Variants in CAMSAP2 observed in about 807,000 individuals in gnomAD.
CAMSAP2 encodes calmodulin regulated spectrin associated protein family member 2, also known as calmodulin-regulated spectrin-associated protein 2.
Under a neutral mutation model 146.1 loss-of-function variants are expected in CAMSAP2, and 26 were observed. That is an observed-to-expected ratio of 0.18 (90% confidence interval 0.13 to 0.25). The LOEUF is 0.25. Ranked by LOEUF, CAMSAP2 falls within the 10% of genes least tolerant of loss-of-function variation. The pLI is 1.00. For synonymous variants in CAMSAP2, 499 were observed against 596.6 expected (o/e 0.84, Z 2.38); for missense variants, 1,381 against 1,759.3 (o/e 0.78, Z 3.85).
intron 2 of CAMSAP2, among the ~76,000 whole-genome samples, chr1:200,806,771 ATCTATCT>A (rs1464368050): frequency 4.5e-5 from 3 of 66,100 alleles, no homozygotes; most frequent in Admixed American, 1.5e-4. Context: ...GTGTGTATCT[ATCTATCT>A]ATCTATCTAT....
intron 6 of CAMSAP2, among the ~76,000 whole-genome samples, chr1:200,837,540 T>C (rs1667215515): frequency 6.6e-6 from 1 of 152,208 alleles, no homozygotes; most frequent in Non-Finnish European, 1.5e-5. Flanking sequence ...TGCTTAAGAT[T>C]GCCTTGGGTA....
chr1:200,838,391 T>C lies in CAMSAP2; in HGVS notation c.928-3603T>C, dbSNP rs537170821. On this transcript the variant is annotated intron_variant, in intron 6 of 16. Transcript: ENST00000358823. ...AGAAAGTATACCATAAAGATAAGTA[T>C]AAAGAAGAAATATAAATCACAATAA... Among the ~76,000 whole-genome samples, 30 of 152,300 alleles carry C rather than the reference T, an allele frequency of 2.0e-4. No individual in the cohort carries two copies. The East Asian group carries it at 5.8e-3, about 29-fold the overall frequency.
At chr1:200,835,927 T>A (rs2102224805) in intron 6 of CAMSAP2, among the ~76,000 whole-genome samples, 1 of 152,280 alleles carries the variant, frequency 6.6e-6, no homozygotes, top group South Asian at 2.1e-4. Flanking sequence ...TAATATACAG[T>A]CCTGATGTTT....
At chr1:200,782,782 CTTTTTTT>C (rs57995961) in intron 2 of CAMSAP2, among the ~76,000 whole-genome samples, 47 of 72,284 alleles carry the variant, frequency 6.5e-4, no homozygotes, top group East Asian at 1.4e-3. Context: ...TCATTTCTCT[CTTTTTTT>C]TTTTTTTTTT....
In CAMSAP2 at chr1:200,807,493, C is replaced by A. The variant is rs988870423; in HGVS notation, c.517C>A (p.Leu173Met). The A allele has an allele frequency of 1.2e-6, 2 of 1,611,568 alleles. No individual in the cohort carries two copies. The highest frequency in any genetic ancestry group is 2.7e-5 in the African/African-American group (2 of 74,728). Residue 173 changes from leucine (L) to methionine (M), a missense_variant, in exon 3 of 17, where the codon CTG becomes ATG. By Grantham distance (15) the Leu-to-Met change is conservative (BLOSUM62 2). Transcript: ENST00000358823. The part of the protein sequence containing the change: ...QYSAFFQATD[L>M]PYDIEDAVMY... ...TTCAGCTTTTTTTCAAGCCACAGATCTGCCCTATGATATTGAGGACGCTGT... is the reference window on the plus strand; with the variant it reads ...TTCAGCTTTTTTTCAAGCCACAGATATGCCCTATGATATTGAGGACGCTGT...
At chr1:200,771,149 A>G (rs1558169474) in intron 2 of CAMSAP2, among the ~76,000 whole-genome samples, 1 of 152,206 alleles carries the variant, frequency 6.6e-6, no homozygotes, top group Non-Finnish European at 1.5e-5. Context: ...AGGAATCCCA[A>G]GAATAGGAAT....
intron 2 of CAMSAP2, among the ~76,000 whole-genome samples, chr1:200,803,826 T>G (rs987557593): frequency 1.3e-5 from 2 of 152,192 alleles, no homozygotes; most frequent in African/African-American, 4.8e-5. Flanking sequence ...TATAACAAGG[T>G]AATTTCTAAG....
intron 3 of CAMSAP2, among the ~76,000 whole-genome samples, chr1:200,808,741 C>G (rs1571778259): frequency 6.6e-6 from 1 of 152,328 alleles, no homozygotes; most frequent in African/African-American, 2.4e-5. Flanking sequence ...TCCTAACCCA[C>G]TTGCTTTAAA....
chr1:200,794,616 C>T (rs1450570474), intron 2 of CAMSAP2, among the ~76,000 whole-genome samples: 1 of 152,210 alleles, frequency 6.6e-6, no homozygotes, highest in Non-Finnish European at 1.5e-5. Context: ...GCATCTGCCC[C>T]AGGGCCCCTT....
intron 2 of CAMSAP2, among the ~76,000 whole-genome samples, chr1:200,784,417 TTTCTC>T (rs1425715833): frequency 1.3e-5 from 2 of 152,162 alleles, no homozygotes; most frequent in Non-Finnish European, 2.9e-5. Flanking sequence ...GAAAACATGG[TTTCTC>T]TTCTCATTTA....
At chr1:200,855,879 G>T (rs1010937855) in intron 14 of CAMSAP2, 131 bp from the exon 15 acceptor site, 3 of 622,108 alleles carry the variant, frequency 4.8e-6, no homozygotes, top group Non-Finnish European at 8.6e-6. Context: ...ACAGGCATGA[G>T]CCACCGCGCC....
chr1:200,768,702 G>A (rs1665027938), intron 2 of CAMSAP2, among the ~76,000 whole-genome samples: 1 of 152,088 alleles, frequency 6.6e-6, no homozygotes, highest in South Asian at 2.1e-4. Flanking sequence ...TCACCAGGCT[G>A]GAGTGCAGTG....
chr1:200,768,646 A>C (rs569078705), intron 2 of CAMSAP2, among the ~76,000 whole-genome samples: 3 of 151,742 alleles, frequency 2.0e-5, no homozygotes, highest in Admixed American at 2.0e-4. Flanking sequence ...TGAGTGGGAG[A>C]GACTTTTTTT....
intron 2 of CAMSAP2, among the ~76,000 whole-genome samples, chr1:200,796,042 C>T (rs1396225953): frequency 6.6e-6 from 1 of 152,198 alleles, no homozygotes; most frequent in Non-Finnish European, 1.5e-5. Context: ...TTTTGAAACT[C>T]TTCAGAGAGG....
At chr1:200,763,895 G>A (rs961632139) in intron 2 of CAMSAP2, among the ~76,000 whole-genome samples, 1 of 152,034 alleles carries the variant, frequency 6.6e-6, no homozygotes, top group Non-Finnish European at 1.5e-5. Flanking sequence ...CCAACATGGC[G>A]AAACCCCATC....
chr1:200,825,530 A>T (rs1297359927), intron 4 of CAMSAP2, among the ~76,000 whole-genome samples: 2 of 146,096 alleles, frequency 1.4e-5, no homozygotes, highest in Non-Finnish European at 3.0e-5. Context: ...TTTTTGAGAC[A>T]GAGTCTTGCT....
In CAMSAP2 at chr1:200,856,044, C is replaced by T. The variant is rs140682641; in HGVS notation, c.3931C>T (p.Arg1311Cys). 3.7e-6 allele frequency: 6 copies of T among 1,613,732 alleles called. No individual in the cohort carries two copies. The highest frequency in any genetic ancestry group is 1.3e-5 in the African/African-American group (1 of 74,998). ...TGTAGAAGGCTTCTTATCTCCAAGT[C>T]GTTGTGGCAGTCGAAATGGAGAAAA... ...ESVEGFLSPS[R>C]CGSRNGEKDW... Residue 1311 changes from arginine to cysteine, a missense_variant, in exon 15 of 17, where the codon CGT becomes TGT. Physicochemically the swap from Arg to Cys is radical, Grantham distance 180 (BLOSUM62 -3). Transcript: ENST00000358823.
chr1:200,832,614 A>C lies in CAMSAP2; in HGVS notation c.788-92A>C. The C allele has an allele frequency of 1.8e-6, 2 of 1,088,984 alleles. No homozygotes were observed. The highest frequency in any genetic ancestry group is 1.3e-6 in the Non-Finnish European group (1 of 779,692). 67.5% of individuals were successfully genotyped at this position (1,088,984 alleles called of 1,614,324 possible). A position where few individuals can be genotyped will look rare whatever the true frequency, so the allele number is the denominator to read the frequency against. On this transcript the variant is annotated intron_variant, in intron 5 of 16. Transcript: ENST00000358823. This position sits in a 1 kb window ranked among gnomAD's most constrained non-coding sequence, Gnocchi z 4.2. ...TTATAAATGTATGTTTGTTAACCAG[A>C]ATTGTGTATTTGTACTAATTACAAG... is the stretch of plus-strand genomic sequence containing the variant.
At chr1:200,758,940 T>G (rs1372573826) in intron 1 of CAMSAP2, among the ~76,000 whole-genome samples, 1 of 152,206 alleles carries the variant, frequency 6.6e-6, no homozygotes, top group Non-Finnish European at 1.5e-5. Flanking sequence ...TAATCTTCTA[T>G]CTCTGATTTT....
Sources: gnomAD v4.1 joint callset for allele counts (sites outside exome capture counted in the v4.1 genomes callset) on GRCh38, gnomAD v4.1.1 for gene constraint, Gnocchi (gnomAD v3.1) non-coding constraint, MANE v1.5 for transcripts, NCBI Gene and HGNC (gene_info 2026-07-23, HGNC 2026-07-21) for gene names.